Variants in SH3GL2 observed in about 807,000 individuals in gnomAD.
SH3GL2 encodes the protein endophilin-A1.
A neutral mutation model predicts 46.0 loss-of-function variants in SH3GL2; 24 were observed. That is an observed-to-expected ratio of 0.52 (90% CI 0.38 to 0.73). The LOEUF is 0.73. Among genes scored for constraint, SH3GL2 ranks in the 30% least tolerant of loss-of-function variants. The pLI is 0.00. For synonymous variants in SH3GL2, 196 were observed against 147.1 expected (o/e 1.33, Z -2.40); for missense variants, 413 against 424.2 (o/e 0.97, Z 0.23).
At chr9:17,775,531 C>T (rs562007273) in intron 3 of SH3GL2, among the ~76,000 whole-genome samples, 1 of 152,192 alleles carries the variant, frequency 6.6e-6, no homozygotes, top group Admixed American at 6.5e-5. Context: ...TGGTTATGGT[C>T]TTCAGTTTTT....
intron 1 of SH3GL2, among the ~76,000 whole-genome samples, chr9:17,726,322 A>G (rs1241257188): frequency 6.6e-6 from 1 of 152,094 alleles, no homozygotes; most frequent in Non-Finnish European, 1.5e-5. Context: ...GCGACCTCTT[A>G]TATCTTTGTG....
At chr9:17,751,732 G>C (rs1395546256) in intron 2 of SH3GL2, among the ~76,000 whole-genome samples, 1 of 152,106 alleles carries the variant, frequency 6.6e-6, no homozygotes, top group East Asian at 1.9e-4. Flanking sequence ...CAAATGGGGA[G>C]AGAAAGGAGT....
intron 3 of SH3GL2, among the ~76,000 whole-genome samples, chr9:17,785,393 C>A (rs539269106): frequency 6.6e-6 from 1 of 152,184 alleles, no homozygotes; most frequent in Non-Finnish European, 1.5e-5. Flanking sequence ...ATGTGCTCTC[C>A]TGATAACTTT....
intron 1 of SH3GL2, among the ~76,000 whole-genome samples, chr9:17,631,984 A>T (rs7846864): frequency 0.94 from 143,591 of 152,228 alleles, 67,934 homozygotes; most frequent in East Asian, 1. Flanking sequence ...GCAACAGAAT[A>T]TTCCTTTTAG....
intron 1 of SH3GL2, among the ~76,000 whole-genome samples, chr9:17,624,905 G>A (rs941811796): frequency 6.6e-6 from 1 of 152,220 alleles, no homozygotes; most frequent in Non-Finnish European, 1.5e-5. Flanking sequence ...GTTGGGTCAA[G>A]TGGAAATGTT....
At chr9:17,671,386 T>C (rs1165732293) in intron 1 of SH3GL2, among the ~76,000 whole-genome samples, 3 of 152,102 alleles carry the variant, frequency 2.0e-5, no homozygotes, top group African/African-American at 7.2e-5. Context: ...GGAAGGGTAG[T>C]GTGTGGCAGG....
chr9:17,623,039 T>TCCTTTCCTTCCCTTCC (rs1563786548), intron 1 of SH3GL2, among the ~76,000 whole-genome samples: 2 of 84,224 alleles, frequency 2.4e-5, no homozygotes, highest in South Asian at 3.9e-4. Context: ...TCCTTTCCTT[T>TCCTTTCCTTCCCTTCC]CCTTCCCCTT....
At chr9:17,755,826 G>T (rs1210927753) in intron 2 of SH3GL2, 2 of 967,270 alleles carry the variant, frequency 2.1e-6, no homozygotes, top group African/African-American at 3.5e-5. Context: ...TTTCTTCAGG[G>T]AAGAAAGGTA....
In SH3GL2 at chr9:17,707,642, C is replaced by A. The variant is rs1351898306; in HGVS notation, c.46-39424C>A. Among the ~76,000 whole-genome samples, 11 of 152,174 alleles carry A rather than the reference C, an allele frequency of 7.2e-5. No individual in the cohort carries two copies. In the East Asian group the frequency reaches 1.5e-3, roughly 21 times the overall value. Reference sequence around the variant, plus strand: ...TTAAATATTCCATTTCAGTCATTAACTGATGTGAAAAACTCTTCCTTTTCT... The same window carrying A: ...TTAAATATTCCATTTCAGTCATTAAATGATGTGAAAAACTCTTCCTTTTCT... On this transcript the variant is annotated intron_variant, in intron 1 of 8. Coordinates refer to ENST00000380607, the MANE Select transcript of SH3GL2 (RefSeq NM_003026.5).
chr9:17,739,269 T>G (rs1822453533), intron 1 of SH3GL2, among the ~76,000 whole-genome samples: 1 of 152,092 alleles, frequency 6.6e-6, no homozygotes, highest in Admixed American at 6.6e-5. Context: ...ATTAACCAGC[T>G]CAGAAATCCC....
At chr9:17,636,609 G>C (rs947065455) in intron 1 of SH3GL2, among the ~76,000 whole-genome samples, 42 of 152,052 alleles carry the variant, frequency 2.8e-4, no homozygotes, top group African/African-American at 9.9e-4. Flanking sequence ...TTTTGACTCA[G>C]GAAGATTATT....
intron 1 of SH3GL2, among the ~76,000 whole-genome samples, chr9:17,666,440 G>C (rs968505522): frequency 1.3e-5 from 2 of 151,682 alleles, no homozygotes; most frequent in Non-Finnish European, 2.9e-5. Context: ...GTTACCTATA[G>C]GTAACTGGTA....
chr9:17,751,475 T>TGTGC (rs1554646590), intron 2 of SH3GL2, among the ~76,000 whole-genome samples: 4 of 131,644 alleles, frequency 3.0e-5, no homozygotes, highest in South Asian at 2.3e-4. Flanking sequence ...TGTTTTTGTG[T>TGTGC]GTGCGTGTGT....
chr9:17,670,729 A>T (rs1820454317), intron 1 of SH3GL2, among the ~76,000 whole-genome samples: 2 of 152,130 alleles, frequency 1.3e-5, no homozygotes, highest in Non-Finnish European at 2.9e-5. Context: ...TGAATTTCTC[A>T]ATTATTCTTT....
intron 1 of SH3GL2, among the ~76,000 whole-genome samples, chr9:17,661,054 C>G (rs142868429): frequency 2.0e-4 from 31 of 152,012 alleles, no homozygotes; most frequent in African/African-American, 7.0e-4. Context: ...TCCAGTTACT[C>G]GGGAGGCTGA....
At chr9:17,760,008 T>C (rs2131149539) in intron 2 of SH3GL2, among the ~76,000 whole-genome samples, 1 of 152,272 alleles carries the variant, frequency 6.6e-6, no homozygotes, top group Non-Finnish European at 1.5e-5. Flanking sequence ...TACATAGTGG[T>C]TGTTTGGAAT....
chr9:17,649,798 A>G (rs1013008433), intron 1 of SH3GL2, among the ~76,000 whole-genome samples: 2 of 152,216 alleles, frequency 1.3e-5, no homozygotes, highest in Non-Finnish European at 1.5e-5. Flanking sequence ...TTTTCTTGCT[A>G]TGCCTGAATT....
chr9:17,623,039 T>TC (rs1249314899), intron 1 of SH3GL2, among the ~76,000 whole-genome samples: 1 of 84,224 alleles, frequency 1.2e-5, no homozygotes. Context: ...TCCTTTCCTT[T>TC]CCTTCCCCTT....
At chr9:17,648,991 C>T (rs901022983) in intron 1 of SH3GL2, among the ~76,000 whole-genome samples, 2 of 152,124 alleles carry the variant, frequency 1.3e-5, no homozygotes, top group African/African-American at 4.8e-5. Flanking sequence ...ACTGTGTTTC[C>T]TGTATGATGT....
Sources: allele counts gnomAD v4.1 joint callset (sites outside exome capture counted in the v4.1 genomes callset), GRCh38; gene constraint gnomAD v4.1.1; transcripts MANE v1.5; gene names NCBI Gene and HGNC (gene_info 2026-07-23, HGNC 2026-07-21).